The following MAP3K4 variants were observed in gnomAD, a reference collection of about 807,000 sequenced individuals.
The protein encoded by MAP3K4 is mitogen-activated protein kinase kinase kinase 4.
A neutral mutation model predicts 185.6 loss-of-function variants in MAP3K4; 67 were observed. The ratio of observed to expected loss-of-function variants is 0.36; its 90% CI spans 0.30 to 0.44. The LOEUF is 0.44. Among genes scored for constraint, MAP3K4 ranks in the 20% least tolerant of loss-of-function variants. The probability of loss-of-function intolerance (pLI) is 1.00; values close to 1 mark genes in which losing one functional copy is unlikely to be tolerated. For missense variants in MAP3K4, 1,551 were observed against 1,995.1 expected, an observed-to-expected ratio of 0.78 and a Z score of 4.24; for synonymous variants, 702 against 710.4, an observed-to-expected ratio of 0.99 and a Z score of 0.19.
intron 1 of MAP3K4, among the ~76,000 whole-genome samples, chr6:161,015,552 C>T (rs775349563): frequency 5.9e-5 from 9 of 152,126 alleles, no homozygotes; most frequent in Non-Finnish European, 1.0e-4. Flanking sequence ...TTACTTAGAT[C>T]ACGGTTCGTC....
chr6:161,093,131 A>G lies in MAP3K4; in HGVS notation c.3348+75A>G. Reference sequence around the variant, plus strand: ...CTTATTTTCTGGTTGTATATGTTTTATATGTAATAGTGGTTTTTTTCATGA... The same window carrying G: ...CTTATTTTCTGGTTGTATATGTTTTGTATGTAATAGTGGTTTTTTTCATGA... On this transcript the variant is annotated intron_variant, in intron 14 of 26. Coordinates refer to ENST00000392142, the MANE Select transcript of MAP3K4 (RefSeq NM_005922.4). The surrounding 1 kb of genome is among the most constrained non-coding windows in gnomAD (Gnocchi z 5.2). 5 of 989,678 alleles carry G rather than the reference A, an allele frequency of 5.1e-6. No homozygotes were observed. Among genetic ancestry groups the G allele is most frequent in the Non-Finnish European group, 7.8e-6 (5 of 639,204 alleles). 61.3% of individuals were successfully genotyped at this position (989,678 alleles called of 1,614,324 possible).
intron 13 of MAP3K4, among the ~76,000 whole-genome samples, chr6:161,092,745 C>T (rs75579017): frequency 1.3e-3 from 197 of 152,302 alleles, no homozygotes; most frequent in Admixed American, 2.1e-3. Context: ...TGGCACCTAT[C>T]ATGTCTAAAA....
rs1229210874 is a variant in MAP3K4, at chr6:161,091,086, G to A, written c.2974-293G>A. Among the ~76,000 whole-genome samples the A allele has an allele frequency of 6.6e-6, 1 of 152,194 alleles. No homozygotes were observed. Among genetic ancestry groups the A allele is most frequent in the Non-Finnish European group, 1.5e-5 (1 of 68,032 alleles). On this transcript the variant is annotated intron_variant, in intron 11 of 26. Coordinates refer to ENST00000392142, the MANE Select transcript of MAP3K4 (RefSeq NM_005922.4). The surrounding 1 kb of genome is among the most constrained non-coding windows in gnomAD (Gnocchi z 5.5). ...TACTTATGGTTGAGCAACCGTCCAGGAGGAGAAAACAACAGGTGGTTGATG... is the reference window on the plus strand; with the variant it reads ...TACTTATGGTTGAGCAACCGTCCAGAAGGAGAAAACAACAGGTGGTTGATG...
intron 1 of MAP3K4, among the ~76,000 whole-genome samples, chr6:160,993,852 G>T (rs572835290): frequency 0.032 from 1,215 of 38,446 alleles, 25 homozygotes; most frequent in African/African-American, 0.082. Flanking sequence ...GGAACAAGAA[G>T]ATCTCAATAT....
At chr6:161,004,899 T>C (rs1781502206) in intron 1 of MAP3K4, among the ~76,000 whole-genome samples, 1 of 152,184 alleles carries the variant, frequency 6.6e-6, no homozygotes, top group Non-Finnish European at 1.5e-5. Flanking sequence ...TTACAGTCTA[T>C]TAAGAGCAAA....
At chr6:161,058,281 A>G (rs535876211) in intron 3 of MAP3K4, among the ~76,000 whole-genome samples, 139 of 152,336 alleles carry the variant, frequency 9.1e-4, no homozygotes, top group African/African-American at 3.1e-3. Flanking sequence ...GGGTTTTCCT[A>G]GAAATACTGG....
At position 161,049,640 on chromosome 6, in the gene MAP3K4, T is replaced by G. The variant is rs755472119; in HGVS notation, c.1368T>G (p.Ser456Arg). ...AAGGAGAATTAAAGGAGTTGGAAAG[T>G]AGTACGGATGAGAGTGAAGAAGAAC... is the stretch of plus-strand genomic sequence containing the variant. Reference protein sequence around the residue: ...DTEGELKELESSTDESEEEQI... With the variant: ...DTEGELKELERSTDESEEEQI... The change falls in exon 3 of 27, where the codon AGT becomes AGG. Residue 456 changes from serine (S) to arginine (R), a missense_variant. This residue lies in a region of MAP3K4 where 126 missense variants were observed against 112.8 expected (regional missense o/e 1.12). Coordinates refer to ENST00000392142, the MANE Select transcript of MAP3K4 (RefSeq NM_005922.4). This position sits in a 1 kb window ranked among gnomAD's most constrained non-coding sequence, Gnocchi z 8.4. 1 of 1,614,056 alleles carries G rather than the reference T, an allele frequency of 6.2e-7. No individual in the cohort carries two copies. Among genetic ancestry groups the G allele is most frequent in the Admixed American group, 1.7e-5 (1 of 59,994 alleles).
chr6:161,017,599 G>C lies in MAP3K4; in HGVS notation c.153-16660G>C, dbSNP rs965164081. Among the ~76,000 whole-genome samples the C allele has an allele frequency of 1.3e-5, 2 of 152,152 alleles. No individual in the cohort carries two copies. The highest frequency in any genetic ancestry group is 4.8e-5 in the African/African-American group (2 of 41,430). Reference sequence around the variant, plus strand: ...TGTAAGTTATAGAAACAGGCCCAAAGAGGTTAAATTTTCACAAAATAAATG... The same window carrying C: ...TGTAAGTTATAGAAACAGGCCCAAACAGGTTAAATTTTCACAAAATAAATG... On this transcript the variant is annotated intron_variant, in intron 1 of 26. Transcript: ENST00000392142. This position sits in a 1 kb window ranked among gnomAD's most constrained non-coding sequence, Gnocchi z 5.1.
At chr6:161,021,461 C>T (rs1020344185) in intron 1 of MAP3K4, among the ~76,000 whole-genome samples, 7 of 152,168 alleles carry the variant, frequency 4.6e-5, no homozygotes, top group Non-Finnish European at 8.8e-5. Context: ...GTCTTAGCAG[C>T]CCCCCACTTT....
At chr6:161,039,279 C>CA (rs3050259) in intron 2 of MAP3K4, among the ~76,000 whole-genome samples, 28,528 of 72,036 alleles carry the variant, frequency 0.4, 4,838 homozygotes, top group East Asian at 0.56. Context: ...CGCAAAAATG[C>CA]AAAAAAAAAA....
rs1429148165 is a variant in MAP3K4 at position 161,091,778 on chromosome 6, T to A, written c.3136-232T>A. Among the ~76,000 whole-genome samples the A allele has an allele frequency of 6.6e-6, 1 of 152,222 alleles. No individual in the cohort carries two copies. Among genetic ancestry groups the A allele is most frequent in the South Asian group, 2.1e-4 (1 of 4,834 alleles). On this transcript the variant is annotated intron_variant, in intron 12 of 26. Transcript: ENST00000392142. The surrounding 1 kb of genome is among the most constrained non-coding windows in gnomAD (Gnocchi z 5.5). ...CTTACATTTTAAAACTTTAAAGAGATGTTTTATGTCATAAAAGCACATTCT... is the reference window on the plus strand; with the variant it reads ...CTTACATTTTAAAACTTTAAAGAGAAGTTTTATGTCATAAAAGCACATTCT...
rs769331680 is a variant in MAP3K4, at chr6:161,114,439, A to G, written c.4627-684A>G. ...CTATGCCTTGCAGCTGCTGAAACAG[A>G]TCACATATAAGTGCTCAGTAAATAT... On this transcript the variant is annotated intron_variant, in intron 25 of 26. Transcript: ENST00000392142. This position sits in a 1 kb window ranked among gnomAD's most constrained non-coding sequence, Gnocchi z 4.3. Among the ~76,000 whole-genome samples the G allele has an allele frequency of 1.3e-5, 2 of 152,218 alleles. No individual in the cohort carries two copies. Among genetic ancestry groups the G allele is most frequent in the Non-Finnish European group, 2.9e-5 (2 of 68,036 alleles).
chr6:161,060,242 T>C (rs2114789256), intron 3 of MAP3K4, among the ~76,000 whole-genome samples: 1 of 152,304 alleles, frequency 6.6e-6, no homozygotes, highest in African/African-American at 2.4e-5. Context: ...CCTCACCTAT[T>C]ATATGGTTAC....
Position 161,029,657 on chromosome 6 carries a change from A to T in MAP3K4, c.153-4602A>T, listed in dbSNP as rs190593181. On this transcript the variant is annotated intron_variant, in intron 1 of 26. Coordinates refer to ENST00000392142, the MANE Select transcript of MAP3K4 (RefSeq NM_005922.4). Reference sequence around the variant, plus strand: ...GGGCAGCTGATGTAGACCTTGTACTACTTTGCTCATCCCAAATCATTGGTA... The same window carrying T: ...GGGCAGCTGATGTAGACCTTGTACTTCTTTGCTCATCCCAAATCATTGGTA... 3.9e-5 allele frequency among the ~76,000 whole-genome samples: 6 copies of T among 152,324 alleles called. No individual in the cohort carries two copies. In the East Asian group the frequency reaches 1.2e-3, roughly 29 times the overall value.
chr6:161,089,319 C>G lies in MAP3K4; in HGVS notation c.2824-3C>G. ...TATGTCCTGTGCTTGATTTTCCTCCCAGGTGGATAATCTTTTACTAGTTGT... is the reference window on the plus strand; with the variant it reads ...TATGTCCTGTGCTTGATTTTCCTCCGAGGTGGATAATCTTTTACTAGTTGT... On this transcript the variant is annotated splice_region_variant and splice_polypyrimidine_tract_variant and intron_variant, in intron 10 of 26. Coordinates refer to ENST00000392142, the MANE Select transcript of MAP3K4 (RefSeq NM_005922.4). The G allele has an allele frequency of 6.2e-7, 1 of 1,611,164 alleles. No homozygotes were observed. Among genetic ancestry groups the G allele is most frequent in the Non-Finnish European group, 8.5e-7 (1 of 1,179,132 alleles).
At position 161,098,342 on chromosome 6, in the gene MAP3K4, GC is replaced by G. The variant is rs1777667800; in HGVS notation, c.3590del (p.Ala1197ValfsTer42). Reference sequence around the variant, plus strand: ...CCCTGCTGCTGCTGCTGCTGCTGCTGCTGCTGCTGTTGCTGCCAGTCGGCCC... The same window carrying G: ...CCCTGCTGCTGCTGCTGCTGCTGCTGTGCTGCTGTTGCTGCCAGTCGGCCC... ...GSPAAAAAAA[A>X]AAVAASRPSP... On this transcript the variant is annotated frameshift_variant, in exon 17 of 27. Coordinates refer to ENST00000392142, the MANE Select transcript of MAP3K4 (RefSeq NM_005922.4). LOFTEE classifies it high-confidence loss of function. The surrounding 1 kb of genome is among the most constrained non-coding windows in gnomAD (Gnocchi z 4.4). The G allele has an allele frequency of 6.2e-7, 1 of 1,613,208 alleles. No individual in the cohort carries two copies.
intron 2 of MAP3K4, among the ~76,000 whole-genome samples, chr6:161,038,361 A>G (rs532362458): frequency 1.3e-5 from 2 of 152,342 alleles, no homozygotes; most frequent in East Asian, 3.9e-4. Context: ...ATTTCAGACT[A>G]GCATGTGACT....
chr6:161,030,273 T>G (rs954824457), intron 1 of MAP3K4, among the ~76,000 whole-genome samples: 1 of 152,156 alleles, frequency 6.6e-6, no homozygotes, highest in African/African-American at 2.4e-5. Context: ...TCTGTTGCTG[T>G]GTCTTCAAGT....
At chr6:161,060,310 TTTAC>T (rs1784426998) in intron 3 of MAP3K4, among the ~76,000 whole-genome samples, 1 of 152,236 alleles carries the variant, frequency 6.6e-6, no homozygotes, top group African/African-American at 2.4e-5. Context: ...TTACCTTTTA[TTTAC>T]TATTTTTTAA....
Sources: gnomAD v4.1 joint callset for allele counts (sites outside exome capture counted in the v4.1 genomes callset) on GRCh38, gnomAD v4.1.1 for gene constraint, gnomAD v4.1.1 regional missense constraint, Gnocchi (gnomAD v3.1) non-coding constraint, MANE v1.5 for transcripts, NCBI Gene and HGNC (gene_info 2026-07-23, HGNC 2026-07-21) for gene names.